Variants in ATXN7 observed in about 807,000 individuals in gnomAD.
ATXN7 encodes the protein ataxin-7.
A neutral mutation model predicts 70.5 loss-of-function variants in ATXN7; 12 were observed. The ratio of observed to expected loss-of-function variants is 0.17; its 90% CI spans 0.11 to 0.28. The LOEUF (loss-of-function observed/expected upper bound fraction) is 0.28. Ranked by LOEUF, ATXN7 falls within the 10% of genes least tolerant of loss-of-function variation. ATXN7 has a pLI of 1.00. For missense variants in ATXN7, 1,256 were observed against 1,131.7 expected (o/e 1.11, Z -1.58); for synonymous variants, 498 against 448.7 (o/e 1.11, Z -1.39).
At chr3:63,891,378 GCA>G (rs1192486937) in intron 1 of ATXN7, among the ~76,000 whole-genome samples, 1 of 151,468 alleles carries the variant, frequency 6.6e-6, no homozygotes, top group Admixed American at 6.6e-5. Flanking sequence ...AAGTACAGTG[GCA>G]CAGTCATAGC....
At chr3:63,910,107 T>C (rs571777101) in intron 2 of ATXN7, among the ~76,000 whole-genome samples, 94 of 152,318 alleles carry the variant, frequency 6.2e-4, no homozygotes, top group African/African-American at 2.0e-3. Context: ...AAAAGAGGTA[T>C]CAAGCAGGAA....
chr3:63,912,664 A>C lies in ATXN7; in HGVS notation c.66A>C (p.Gly22=). The C allele has an allele frequency of 9.5e-7, 1 of 1,049,394 alleles. No homozygotes were observed. The highest frequency in any genetic ancestry group is 1.1e-6 in the Non-Finnish European group (1 of 869,904). The allele number at this position is 1,049,394 out of a possible 1,614,324, so 65.0% of individuals were successfully genotyped here. A position where few individuals can be genotyped will look rare whatever the true frequency, so the allele number is the denominator to read the frequency against. ...EPRRAAAAAG[G]AAAAAARQQQ... ...GCCGCGCGGCGGCGGCGGCGGGCGG[A>C]GCAGCGGCCGCGGCCGCCCGGCAGC... Residue 22 remains glycine, a synonymous_variant, in exon 3 of 13, where the codon GGA becomes GGC. Coordinates refer to ENST00000674280, the MANE Select transcript of ATXN7 (RefSeq NM_001377405.1).
At chr3:63,953,942 C>T (rs2074997589) in intron 5 of ATXN7, among the ~76,000 whole-genome samples, 1 of 152,192 alleles carries the variant, frequency 6.6e-6, no homozygotes, top group African/African-American at 2.4e-5. Context: ...GCCACGCGCT[C>T]AGCCAAGAGA....
chr3:63,987,141 T>C (rs1459720628), intron 8 of ATXN7, among the ~76,000 whole-genome samples: 1 of 152,212 alleles, frequency 6.6e-6, no homozygotes, highest in East Asian at 1.9e-4. Context: ...CATTCAACTT[T>C]ATCTTCTGTT....
intron 11 of ATXN7, among the ~76,000 whole-genome samples, chr3:63,994,386 C>T (rs188300487): frequency 4.6e-5 from 7 of 152,246 alleles, no homozygotes; most frequent in Admixed American, 3.9e-4. Context: ...AGGTGCACAC[C>T]ACCATGCCCG....
At chr3:63,888,118 G>T (rs894294085) in intron 1 of ATXN7, among the ~76,000 whole-genome samples, 5 of 151,962 alleles carry the variant, frequency 3.3e-5, no homozygotes, top group African/African-American at 1.2e-4. Context: ...ATAATCAGTA[G>T]TTGCTTTATG....
At chr3:63,950,848 A>G (rs1006146133) in intron 4 of ATXN7, among the ~76,000 whole-genome samples, 1 of 152,164 alleles carries the variant, frequency 6.6e-6, no homozygotes. Context: ...CTTCTTATCT[A>G]ATCAGTTTAT....
chr3:63,909,007 T>TA lies in ATXN7; in HGVS notation c.-11-3580dup, dbSNP rs200696172. 5.5e-3 allele frequency among the ~76,000 whole-genome samples: 842 copies of TA among 152,336 alleles called. 9 individuals are homozygous for TA. The highest frequency in any genetic ancestry group is 0.017 in the African/African-American group (705 of 41,578). ...GTTTTGATGAATTGTTTCCCCTACT[T>TA]ACTACTTTTCTCACATACTCAGTGA... On this transcript the variant is annotated intron_variant, in intron 2 of 12. Transcript: ENST00000674280.
chr3:63,997,563 C>G, intron 12 of ATXN7: 1 of 1,455,472 alleles, frequency 6.9e-7, no homozygotes, highest in Admixed American at 2.0e-5. Flanking sequence ...GCTGTTTCTT[C>G]CAGCTTCCTT....
upstream of ATXN7, chr3:63,863,762 G>A (rs922614928): frequency 2.0e-5 from 25 of 1,250,662 alleles, no homozygotes; most frequent in African/African-American, 3.4e-4. Flanking sequence ...GGCGGCGAGC[G>A]GGGCCTCACC....
At chr3:63,985,229 T>C (rs1418908065) in intron 8 of ATXN7, among the ~76,000 whole-genome samples, 2 of 152,192 alleles carry the variant, frequency 1.3e-5, no homozygotes, top group Non-Finnish European at 2.9e-5. Flanking sequence ...CCTTTATTGC[T>C]AGGTGGAGTG....
chr3:63,976,079 A>C (rs1406336451), intron 5 of ATXN7, among the ~76,000 whole-genome samples: 1 of 152,186 alleles, frequency 6.6e-6, no homozygotes, highest in Admixed American at 6.5e-5. Context: ...ACCACATTGC[A>C]GTTGTGCTCA....
At position 63,938,191 on chromosome 3, in the gene ATXN7, C is replaced by T. The variant is rs936917012; in HGVS notation, c.395-14188C>T. On this transcript the variant is annotated intron_variant, in intron 4 of 12. Coordinates refer to ENST00000674280, the MANE Select transcript of ATXN7 (RefSeq NM_001377405.1). ...GTTCAGGTATGTTGACCAGGTTCCC[C>T]GGGAAGGACAAATAGTGAAACTGCA... is the stretch of plus-strand genomic sequence containing the variant. 7.9e-5 allele frequency among the ~76,000 whole-genome samples: 12 copies of T among 152,124 alleles called. No individual in the cohort carries two copies. In the East Asian group the frequency reaches 9.6e-4, roughly 12 times the overall value.
At chr3:63,951,500 C>G (rs1222004211) in intron 4 of ATXN7, among the ~76,000 whole-genome samples, 1 of 152,126 alleles carries the variant, frequency 6.6e-6, no homozygotes, top group Non-Finnish European at 1.5e-5. Flanking sequence ...TGCAGATATT[C>G]TAAAGAGTGA....
chr3:63,998,466 T>G (rs766661109), intron 12 of ATXN7: 418 of 985,388 alleles, frequency 4.2e-4, no homozygotes, highest in Non-Finnish European at 5.0e-4. Context: ...GACCTGCCAT[T>G]TTGCCACCTT....
intron 4 of ATXN7, among the ~76,000 whole-genome samples, chr3:63,919,677 G>A (rs1415590856): frequency 6.6e-6 from 1 of 150,748 alleles, no homozygotes; most frequent in Non-Finnish European, 1.5e-5. Flanking sequence ...GTATACATGC[G>A]CCATGTTGGT....
At position 63,999,576 on chromosome 3, in the gene ATXN7, TC is replaced by T; in HGVS notation, c.*111del. ...TGCCTTTGAGTCTGTTTTCCCAACC[TC>T]CTGTGGGCCTCAAGGGTAGAAACCT... is the stretch of plus-strand genomic sequence containing the variant. On this transcript the variant is annotated 3_prime_UTR_variant, in exon 13 of 13. Transcript: ENST00000674280. 6.4e-7 allele frequency: 1 copy of T among 1,559,844 alleles called. No individual in the cohort carries two copies. Among genetic ancestry groups the T allele is most frequent in the Non-Finnish European group, 8.7e-7 (1 of 1,147,302 alleles).
chr3:63,959,936 G>A (rs1056329592), intron 5 of ATXN7, among the ~76,000 whole-genome samples: 6 of 152,166 alleles, frequency 3.9e-5, no homozygotes, highest in African/African-American at 1.4e-4. Flanking sequence ...GGAAAACAGT[G>A]TCTATGATTT....
intron 4 of ATXN7, 40 bp downstream of exon 4, chr3:63,913,265 G>A: frequency 6.3e-7 from 1 of 1,586,656 alleles, no homozygotes; most frequent in Non-Finnish European, 8.6e-7. Context: ...ACAAACCCCT[G>A]GGAAGTTTCA....
Sources: allele counts gnomAD v4.1 joint callset (sites outside exome capture counted in the v4.1 genomes callset), GRCh38; gene constraint gnomAD v4.1.1; transcripts MANE v1.5; gene names NCBI Gene and HGNC (gene_info 2026-07-23, HGNC 2026-07-21).